Variants in HS1BP3 observed in about 807,000 individuals in gnomAD.
HS1BP3 encodes the protein HCLS1-binding protein 3.
Under a neutral mutation model 33.5 loss-of-function variants are expected in HS1BP3, and 32 were observed. That is an observed-to-expected ratio of 0.95 (90% confidence interval 0.72 to 1.28). The LOEUF (loss-of-function observed/expected upper bound fraction) is 1.28, where lower values mean the gene tolerates loss of function less well. Among genes scored for constraint, HS1BP3 ranks in the 50% most tolerant of loss-of-function variants. The probability of loss-of-function intolerance (pLI) is 0.00; values close to 1 mark genes in which losing one functional copy is unlikely to be tolerated. For missense variants in HS1BP3, 486 were observed against 502.3 expected, an observed-to-expected ratio of 0.97 and a Z score of 0.31; for synonymous variants, 187 against 209.2, an observed-to-expected ratio of 0.89 and a Z score of 0.92.
rs1057408224 is a variant in HS1BP3, at chr2:20,618,092, C to G, written c.*895G>C. 4 of 152,508 alleles carry G rather than the reference C, an allele frequency of 2.6e-5. No homozygotes were observed. The highest frequency in any genetic ancestry group is 5.9e-5 in the Non-Finnish European group (4 of 68,102). The allele number at this position is 152,508 out of a possible 1,614,324, so 9.4% of individuals were successfully genotyped here. A position where few individuals can be genotyped will look rare whatever the true frequency, so the allele number is the denominator to read the frequency against. On this transcript the variant is annotated 3_prime_UTR_variant, in exon 7 of 7. Coordinates refer to ENST00000304031, the MANE Select transcript of HS1BP3 (RefSeq NM_022460.4). ...TGGGAGGCGGTGCAGGCTGGGAGCC[C>G]TGCCCAGGCCCCAGGCTGAGCTGTG... is the stretch of plus-strand genomic sequence containing the variant.
intron 3 of HS1BP3, among the ~76,000 whole-genome samples, chr2:20,593,215 C>T (rs1040648426): frequency 2.6e-5 from 4 of 152,050 alleles, no homozygotes; most frequent in Non-Finnish European, 5.9e-5. Flanking sequence ...TATGGCCAGG[C>T]CCTCCCTGGC....
chr2:20,554,915 T>A, the HS1BP3 span, among the ~76,000 whole-genome samples: 1 of 152,158 alleles, frequency 6.6e-6, no homozygotes, highest in Non-Finnish European at 1.5e-5. Flanking sequence ...GCTCTAACGT[T>A]CTAGCTTGGT....
At chr2:20,623,749 A>G (rs552578479) in intron 6 of HS1BP3, 147 bp downstream of exon 6, 17 of 885,034 alleles carry the variant, frequency 1.9e-5, no homozygotes, top group African/African-American at 3.4e-5. Context: ...CTCTCACCCA[A>G]TGTGCACCCA....
intron 2 of HS1BP3, among the ~76,000 whole-genome samples, chr2:20,604,580 C>G (rs1227193600): frequency 6.6e-6 from 1 of 152,214 alleles, no homozygotes; most frequent in African/African-American, 2.4e-5. Flanking sequence ...GAGCACCTCC[C>G]TGAATTGCAA....
rs192701286 is a variant in HS1BP3 at position 20,569,869 on chromosome 2, C to T, written c.303-9354G>A. On this transcript the variant is annotated intron_variant, in intron 5 of 5. Transcript: ENST00000446825. ...CCATTTGCCCCACCGCCTCTCTCTA[C>T]TTTCCAGAAAAGGCAGGCAGGTGCT... 1.5e-3 allele frequency among the ~76,000 whole-genome samples: 233 copies of T among 152,378 alleles called. 1 individual carries two copies. The highest frequency in any genetic ancestry group is 2.6e-3 in the Non-Finnish European group (176 of 68,044).
chr2:20,584,695 T>C (rs531037898), intron 5 of HS1BP3, among the ~76,000 whole-genome samples: 2 of 152,288 alleles, frequency 1.3e-5, no homozygotes, highest in African/African-American at 2.4e-5. Context: ...ATGGATCCGA[T>C]TGCACATTCC....
At chr2:20,590,733 A>G (rs1261444608), downstream of HS1BP3, 1 of 154,274 alleles carries the variant, frequency 6.5e-6, no homozygotes, top group Non-Finnish European at 1.5e-5. Context: ...ACACCTGGGC[A>G]CCTGAGCTAG....
intron 4 of HS1BP3, among the ~76,000 whole-genome samples, chr2:20,626,983 A>AC (rs2149293429): frequency 6.6e-6 from 1 of 151,978 alleles, no homozygotes; most frequent in South Asian, 2.1e-4. Context: ...AGCAAAGCTG[A>AC]CCCCAGCCAA....
chr2:20,633,552 A>G (rs1695029420), intron 4 of HS1BP3, among the ~76,000 whole-genome samples: 1 of 152,164 alleles, frequency 6.6e-6, no homozygotes, highest in East Asian at 1.9e-4. Flanking sequence ...TTTGAGATAG[A>G]GTCTCAGTTG....
chr2:20,611,256 GC>G lies in HS1BP3; in HGVS notation c.178+12639del, dbSNP rs1241093700. 2.0e-5 allele frequency among the ~76,000 whole-genome samples: 3 copies of G among 152,194 alleles called. No homozygotes were observed. The highest frequency in any genetic ancestry group is 2.9e-5 in the Non-Finnish European group (2 of 68,038). On this transcript the variant is annotated intron_variant, in intron 2 of 3. Coordinates refer to the HS1BP3 transcript ENST00000415264. This position sits in a 1 kb window ranked among gnomAD's most constrained non-coding sequence, Gnocchi z 4.9. ...GGGAGGAACCCTTATGAATAATGTT[GC>G]TGTGAACATTCGTGTCTAAGTCTTT...
intron 6 of HS1BP3, chr2:20,622,047 C>T: frequency 2.0e-6 from 1 of 494,160 alleles, no homozygotes; most frequent in Non-Finnish European, 3.2e-6. Context: ...AGACTAGAGG[C>T]CCTGCCCTGG....
At chr2:20,644,167 G>C (rs919880841) in intron 2 of HS1BP3, among the ~76,000 whole-genome samples, 14 of 152,184 alleles carry the variant, frequency 9.2e-5, no homozygotes, top group African/African-American at 3.4e-4. Flanking sequence ...TTTCACAAGA[G>C]GCCAAATGGT....
At chr2:20,614,187 G>T (rs1265917085), downstream of HS1BP3, among the ~76,000 whole-genome samples, 18 of 152,208 alleles carry the variant, frequency 1.2e-4, no homozygotes, top group Admixed American at 1.2e-3. Flanking sequence ...ACCCCCAGAA[G>T]CCAGGACAAA....
chr2:20,622,410 G>T, intron 6 of HS1BP3: 1 of 995,184 alleles, frequency 1.0e-6, no homozygotes, highest in Non-Finnish European at 1.4e-6. Flanking sequence ...CACTTTTTGA[G>T]CAGGGACTCC....
Position 20,645,338 on chromosome 2 carries a change from A to T in HS1BP3, c.198+2T>A. 1 of 1,612,964 alleles carries T rather than the reference A, an allele frequency of 6.2e-7. No homozygotes were observed. The highest frequency in any genetic ancestry group is 1.7e-5 in the Admixed American group (1 of 59,904). On this transcript the variant is annotated splice_donor_variant, in intron 2 of 6. Transcript: ENST00000304031. LOFTEE classifies it high-confidence loss of function. Reference sequence around the variant, plus strand: ...ACATCCTGGCCAGAGCCTCCGGCTCACCAAGAACTGGACGACATCCTCGGG... The same window carrying T: ...ACATCCTGGCCAGAGCCTCCGGCTCTCCAAGAACTGGACGACATCCTCGGG...
chr2:20,579,249 G>A (rs1289095628), intron 5 of HS1BP3, among the ~76,000 whole-genome samples: 3 of 152,212 alleles, frequency 2.0e-5, no homozygotes, highest in African/African-American at 4.8e-5. Context: ...GGCTCCATCC[G>A]AGCTGGCTGA....
downstream of HS1BP3, among the ~76,000 whole-genome samples, chr2:20,615,687 C>T (rs773951907): frequency 2.2e-4 from 33 of 152,186 alleles, no homozygotes; most frequent in Non-Finnish European, 4.0e-4. Flanking sequence ...ATGGGAATGA[C>T]CCTCCACATC....
intron 2 of HS1BP3, among the ~76,000 whole-genome samples, chr2:20,610,106 C>A (rs1694287944): frequency 1.3e-5 from 2 of 152,078 alleles, no homozygotes; most frequent in South Asian, 4.1e-4. Flanking sequence ...ACAGAGAGTA[C>A]AAAGTCCCCA....
At chr2:20,568,845 C>T (rs563290990) in intron 5 of HS1BP3, among the ~76,000 whole-genome samples, 435 of 152,308 alleles carry the variant, frequency 2.9e-3, no homozygotes, top group African/African-American at 9.8e-3. Context: ...AGCTCTGAGC[C>T]CCAGAGCTCA....
Sources: allele counts gnomAD v4.1 joint callset (sites outside exome capture counted in the v4.1 genomes callset), GRCh38; gene constraint gnomAD v4.1.1; non-coding constraint Gnocchi (gnomAD v3.1); transcripts MANE v1.5; gene names NCBI Gene and HGNC (gene_info 2026-07-23, HGNC 2026-07-21).